VTI1A: variants seen among roughly 807,000 people sequenced by gnomAD.
The protein encoded by VTI1A is vesicle transport through interaction with t-SNAREs 1A, also known as vesicle transport through interaction with t-SNAREs homolog 1A.
A neutral mutation model predicts 34.9 loss-of-function variants in VTI1A; 22 were observed. The ratio of observed to expected loss-of-function variants is 0.63; its 90% CI spans 0.45 to 0.90. VTI1A has a LOEUF of 0.90. Among genes scored for constraint, VTI1A ranks in the 40% least tolerant of loss-of-function variants. The probability of loss-of-function intolerance (pLI) is 0.00; values close to 1 mark genes in which losing one functional copy is unlikely to be tolerated. For missense variants in VTI1A, 268 were observed against 275.6 expected (o/e 0.97, Z 0.20); for synonymous variants, 87 against 97.3 (o/e 0.89, Z 0.62).
At chr10:112,662,379 A>G (rs1214623229) in intron 5 of VTI1A, among the ~76,000 whole-genome samples, 1 of 152,108 alleles carries the variant, frequency 6.6e-6, no homozygotes, top group Non-Finnish European at 1.5e-5. Context: ...CAGTTTGGAT[A>G]ATTTCTATTA....
At chr10:112,460,300 G>T (rs1475379822) in intron 1 of VTI1A, among the ~76,000 whole-genome samples, 1 of 152,108 alleles carries the variant, frequency 6.6e-6, no homozygotes, top group Non-Finnish European at 1.5e-5. Flanking sequence ...CTTAAAAATG[G>T]TGTCTCTTAA....
At chr10:112,551,199 G>C (rs1001805173) in intron 5 of VTI1A, among the ~76,000 whole-genome samples, 1 of 137,822 alleles carries the variant, frequency 7.3e-6, no homozygotes, top group Non-Finnish European at 1.5e-5. Flanking sequence ...AGCAGAGATC[G>C]CGCCACTGCA....
At chr10:112,772,174 A>C (rs1851830553) in intron 7 of VTI1A, among the ~76,000 whole-genome samples, 2 of 152,234 alleles carry the variant, frequency 1.3e-5, no homozygotes, top group South Asian at 4.1e-4. Flanking sequence ...CACCAGCACA[A>C]TATAAAGGTT....
At chr10:112,649,446 A>G (rs559063847) in intron 5 of VTI1A, among the ~76,000 whole-genome samples, 4 of 152,220 alleles carry the variant, frequency 2.6e-5, no homozygotes, top group East Asian at 1.9e-4. Flanking sequence ...AGTGCCTACT[A>G]TGGGCTCATG....
the VTI1A span, among the ~76,000 whole-genome samples, chr10:112,833,562 T>G: frequency 6.6e-6 from 1 of 152,190 alleles, no homozygotes; most frequent in Non-Finnish European, 1.5e-5. Flanking sequence ...ATCTGTAGAT[T>G]AATGATACTC....
At chr10:112,764,047 G>A (rs1470091127) in intron 7 of VTI1A, among the ~76,000 whole-genome samples, 1 of 152,196 alleles carries the variant, frequency 6.6e-6, no homozygotes, top group East Asian at 1.9e-4. Flanking sequence ...AATCATGCCT[G>A]CAATGACTGT....
In VTI1A at chr10:112,508,167, G is replaced by A. The variant is rs149125995; in HGVS notation, c.265-18920G>A. On this transcript the variant is annotated intron_variant, in intron 3 of 7. Coordinates refer to ENST00000393077, the MANE Select transcript of VTI1A (RefSeq NM_145206.4). Reference sequence around the variant, plus strand: ...TCTGAACAAACCGTTTCTAGGAGGCGCTTCTGCCAGCAACCAGCTTAAACC... The same window carrying A: ...TCTGAACAAACCGTTTCTAGGAGGCACTTCTGCCAGCAACCAGCTTAAACC... Among the ~76,000 whole-genome samples the A allele has an allele frequency of 5.3e-5, 8 of 152,268 alleles. No individual in the cohort carries two copies. The East Asian group carries it at 9.6e-4, about 18-fold the overall frequency.
intron 3 of VTI1A, among the ~76,000 whole-genome samples, chr10:112,496,394 ACT>A (rs1849028767): frequency 6.6e-6 from 1 of 151,798 alleles, no homozygotes; most frequent in African/African-American, 2.4e-5. Flanking sequence ...ACATGGTGAA[ACT>A]CTATCTCTAC....
At chr10:112,826,183 C>T in the VTI1A span, 1 of 152,192 alleles carries the variant, frequency 6.6e-6, no homozygotes, top group Non-Finnish European at 1.5e-5. Context: ...TAACACTGCG[C>T]CTGCCCCTCC....
intron 4 of VTI1A, 65 bp from the exon 5 acceptor site, chr10:112,538,181 T>C (rs1354679311): frequency 1.4e-6 from 2 of 1,452,974 alleles, no homozygotes; most frequent in East Asian, 2.3e-5. Flanking sequence ...ATTTTTTTTT[T>C]AAGGCAAAAA....
intron 7 of VTI1A, among the ~76,000 whole-genome samples, chr10:112,708,340 G>T (rs898434639): frequency 5.9e-5 from 9 of 152,146 alleles, no homozygotes; most frequent in Non-Finnish European, 1.0e-4. Context: ...TTTATACATG[G>T]GCATATTTAT....
At chr10:112,548,856 A>C (rs1031339511) in intron 5 of VTI1A, 8 of 1,451,052 alleles carry the variant, frequency 5.5e-6, no homozygotes, top group Non-Finnish European at 6.5e-6. Context: ...CCAGCTTTTT[A>C]CCGGAACGGT....
chr10:112,626,150 C>T (rs956534064), intron 5 of VTI1A, among the ~76,000 whole-genome samples: 1 of 152,084 alleles, frequency 6.6e-6, no homozygotes, highest in Non-Finnish European at 1.5e-5. Context: ...AACAGCTTGG[C>T]TCCACACAAA....
intron 3 of VTI1A, among the ~76,000 whole-genome samples, chr10:112,473,485 G>A (rs1214293090): frequency 6.6e-6 from 1 of 152,032 alleles, no homozygotes; most frequent in Non-Finnish European, 1.5e-5. Flanking sequence ...TTTAATGTGT[G>A]CATAATATTT....
At chr10:112,707,424 C>T (rs1186736826) in intron 7 of VTI1A, among the ~76,000 whole-genome samples, 1 of 152,184 alleles carries the variant, frequency 6.6e-6, no homozygotes, top group African/African-American at 2.4e-5. Context: ...ACCTCCGCCT[C>T]CCAGGTTCAA....
At chr10:112,846,113 CAGATAGG>C in the VTI1A span, among the ~76,000 whole-genome samples, 2 of 152,202 alleles carry the variant, frequency 1.3e-5, no homozygotes, top group Admixed American at 1.3e-4. Context: ...ACTTGCGTAA[CAGATAGG>C]AGAGTTTACT....
chr10:112,706,030 A>G (rs1035876102), intron 7 of VTI1A, among the ~76,000 whole-genome samples: 5 of 152,216 alleles, frequency 3.3e-5, no homozygotes, highest in African/African-American at 1.2e-4. Context: ...TGTTAGGTGG[A>G]CTGTCACAAA....
At chr10:112,555,890 A>T (rs1485117053) in intron 5 of VTI1A, among the ~76,000 whole-genome samples, 2 of 152,034 alleles carry the variant, frequency 1.3e-5, no homozygotes, top group African/African-American at 4.8e-5. Context: ...AGTTTCTTAT[A>T]AAATTGCAAC....
At chr10:112,587,402 T>A (rs2028785) in intron 5 of VTI1A, among the ~76,000 whole-genome samples, 1 of 151,830 alleles carries the variant, frequency 6.6e-6, no homozygotes, top group Non-Finnish European at 1.5e-5. Context: ...CAATACCAAA[T>A]TAAAAGCTGG....
Sources: allele counts gnomAD v4.1 joint callset (sites outside exome capture counted in the v4.1 genomes callset), GRCh38; gene constraint gnomAD v4.1.1; transcripts MANE v1.5; gene names NCBI Gene and HGNC (gene_info 2026-07-23, HGNC 2026-07-21).